PCBP3: variants seen among roughly 807,000 people sequenced by gnomAD.
The protein encoded by PCBP3 is poly(rC) binding protein 3.
PCBP3 carries 25 observed loss-of-function variants against 52.7 expected under a neutral mutation model. That is an observed-to-expected ratio of 0.47 (90% CI 0.35 to 0.66). The LOEUF is 0.66. PCBP3 is among the 30% of genes least tolerant of loss of function. The probability of loss-of-function intolerance (pLI) is 0.01; values close to 1 mark genes in which losing one functional copy is unlikely to be tolerated. For missense variants in PCBP3, 391 were observed against 490.3 expected (o/e 0.80, Z 1.91); for synonymous variants, 162 against 183.0 (o/e 0.89, Z 0.93).
At chr21:45,839,878 G>A (rs989164337) in intron 4 of PCBP3, among the ~76,000 whole-genome samples, 44 of 151,860 alleles carry the variant, frequency 2.9e-4, no homozygotes, top group African/African-American at 1.0e-3. Context: ...GTAGAGACGG[G>A]GTTTCACCAT....
At chr21:45,905,116 C>T (rs931384014) in intron 9 of PCBP3, among the ~76,000 whole-genome samples, 7 of 152,154 alleles carry the variant, frequency 4.6e-5, no homozygotes, top group African/African-American at 1.2e-4. Context: ...AAATCAGGGG[C>T]GAAGTGTTGA....
intron 2 of PCBP3, among the ~76,000 whole-genome samples, chr21:45,675,678 G>A (rs181580881): frequency 5.9e-5 from 9 of 152,306 alleles, no homozygotes; most frequent in Non-Finnish European, 8.8e-5. Context: ...AAAATCTCCT[G>A]TGATTTGTGG....
intron 2 of PCBP3, among the ~76,000 whole-genome samples, chr21:45,689,710 G>A (rs1393940254): frequency 1.3e-5 from 2 of 151,850 alleles, no homozygotes; most frequent in Non-Finnish European, 2.9e-5. Flanking sequence ...AATATATAAA[G>A]CAAACTATTT....
chr21:45,845,797 A>G (rs1294383764), intron 4 of PCBP3, among the ~76,000 whole-genome samples: 2 of 152,244 alleles, frequency 1.3e-5, no homozygotes, highest in African/African-American at 4.8e-5. Context: ...TGTGCCCAGG[A>G]GGGAATGTGA....
rs1002385160 is a variant in PCBP3, at chr21:45,837,517, C to T, written c.-125-12444C>T. ...CTACGTGCCTGTGGAAATTCTCCTGCGGGCGGTTTCATGTCGAAGGCCTAC... is the reference window on the plus strand; with the variant it reads ...CTACGTGCCTGTGGAAATTCTCCTGTGGGCGGTTTCATGTCGAAGGCCTAC... On this transcript the variant is annotated intron_variant, in intron 4 of 17. Transcript: ENST00000681687. The surrounding 1 kb of genome is among the most constrained non-coding windows in gnomAD (Gnocchi z 4.1). 7.9e-5 allele frequency among the ~76,000 whole-genome samples: 12 copies of T among 152,120 alleles called. No individual in the cohort carries two copies. The highest frequency in any genetic ancestry group is 1.5e-4 in the Non-Finnish European group (10 of 68,014).
chr21:45,778,563 C>G (rs2090416469), intron 4 of PCBP3, among the ~76,000 whole-genome samples: 1 of 152,088 alleles, frequency 6.6e-6, no homozygotes, highest in African/African-American at 2.4e-5. Flanking sequence ...CTGTGATGAG[C>G]AGGGAGGGCC....
chr21:45,804,213 C>G (rs1203828995), intron 4 of PCBP3, among the ~76,000 whole-genome samples: 1 of 152,186 alleles, frequency 6.6e-6, no homozygotes, highest in Non-Finnish European at 1.5e-5. Flanking sequence ...GTGCACCGGG[C>G]TTTGTGCTGC....
chr21:45,785,230 A>AC, intron 4 of PCBP3, among the ~76,000 whole-genome samples: 1 of 143,222 alleles, frequency 7.0e-6, no homozygotes, highest in African/African-American at 2.6e-5. Flanking sequence ...CCCGGCAGCC[A>AC]CCCCGTCTGG....
At chr21:45,697,710 A>C (rs1195684316) in intron 2 of PCBP3, among the ~76,000 whole-genome samples, 1 of 150,670 alleles carries the variant, frequency 6.6e-6, no homozygotes, top group Non-Finnish European at 1.5e-5. Flanking sequence ...ATGACACTGC[A>C]CTCCACTGCA....
intron 1 of PCBP3, among the ~76,000 whole-genome samples, chr21:45,663,993 G>T (rs1023999817): frequency 2.6e-4 from 38 of 148,042 alleles, no homozygotes; most frequent in Admixed American, 8.2e-4. Context: ...TCCAATTCAT[G>T]AGCATAGGAT....
intron 4 of PCBP3, among the ~76,000 whole-genome samples, chr21:45,811,734 C>A (rs561061323): frequency 2.6e-5 from 4 of 152,300 alleles, no homozygotes; most frequent in African/African-American, 9.6e-5. Flanking sequence ...TTACTTTTAA[C>A]TGTCTGTGCC....
chr21:45,923,470 C>T (rs1173378254), intron 13 of PCBP3, among the ~76,000 whole-genome samples: 7 of 152,232 alleles, frequency 4.6e-5, no homozygotes, highest in Non-Finnish European at 1.5e-5. Flanking sequence ...TTGCTTGGAA[C>T]ACCGCACCCT....
intron 4 of PCBP3, among the ~76,000 whole-genome samples, chr21:45,782,842 G>T (rs2090746158): frequency 6.6e-6 from 1 of 152,228 alleles, no homozygotes; most frequent in African/African-American, 2.4e-5. Flanking sequence ...AGCCCAGCCG[G>T]CATACGGCAC....
rs1020995327 is a variant in PCBP3 at position 45,843,624 on chromosome 21, C to T, written c.-125-6337C>T. ...ATTGTTGAGGTCTGTTTTCTGATCT[C>T]ATCTATTTCTTATCTGGAAACATTT... On this transcript the variant is annotated intron_variant, in intron 4 of 17. Coordinates refer to ENST00000681687, the MANE Select transcript of PCBP3 (RefSeq NM_001384156.1). 3.9e-5 allele frequency among the ~76,000 whole-genome samples: 6 copies of T among 152,294 alleles called. No individual in the cohort carries two copies. The South Asian group carries it at 1.0e-3, about 26-fold the overall frequency.
At position 45,691,476 on chromosome 21, in the gene PCBP3, GTA is replaced by G. The variant is rs570406285; in HGVS notation, c.-200+22529_-200+22530del. Among the ~76,000 whole-genome samples the G allele has an allele frequency of 4.5e-3, 586 of 129,192 alleles. 2 individuals are homozygous for G. Among genetic ancestry groups the G allele is most frequent in the African/African-American group, 0.017 (557 of 32,734 alleles). The allele number at this position is 129,192 out of a possible 152,430, so 84.8% of individuals were successfully genotyped here. A position where few individuals can be genotyped will look rare whatever the true frequency, so the allele number is the denominator to read the frequency against. On this transcript the variant is annotated intron_variant, in intron 2 of 17. Coordinates refer to ENST00000681687, the MANE Select transcript of PCBP3 (RefSeq NM_001384156.1). ...TATGTATGTGTGTGTGTGTGTGTGT[GTA>G]TATACATCACAATTCACTAATCTGT...
At chr21:45,938,834 T>C (rs974015000) in intron 16 of PCBP3, among the ~76,000 whole-genome samples, 4 of 152,128 alleles carry the variant, frequency 2.6e-5, no homozygotes, top group African/African-American at 9.7e-5. Flanking sequence ...GTGAGCAGAG[T>C]TGAGACACCA....
At chr21:45,913,818 G>A (rs930731665) in intron 11 of PCBP3, 133 bp from the exon 12 acceptor site, 21 of 792,158 alleles carry the variant, frequency 2.7e-5, no homozygotes, top group African/African-American at 1.2e-4. Context: ...GCACTGCTGC[G>A]AAACTCGGGG....
At chr21:45,931,061 T>C (rs1345773064) in intron 15 of PCBP3, among the ~76,000 whole-genome samples, 3 of 152,202 alleles carry the variant, frequency 2.0e-5, no homozygotes, top group African/African-American at 7.2e-5. Context: ...ACCCCGGCCA[T>C]GGGAGGCGGC....
At chr21:45,764,740 T>A (rs1357106985) in intron 4 of PCBP3, among the ~76,000 whole-genome samples, 4 of 152,196 alleles carry the variant, frequency 2.6e-5, no homozygotes, top group African/African-American at 9.7e-5. Context: ...TCACAGAATG[T>A]AAAAAATAGC....
Sources: gnomAD v4.1 joint callset for allele counts (sites outside exome capture counted in the v4.1 genomes callset) on GRCh38, gnomAD v4.1.1 for gene constraint, Gnocchi (gnomAD v3.1) non-coding constraint, MANE v1.5 for transcripts, NCBI Gene and HGNC (gene_info 2026-07-23, HGNC 2026-07-21) for gene names.